ECE1: variants seen among roughly 807,000 people sequenced by gnomAD.
ECE1 encodes the protein endothelin-converting enzyme 1.
Under a neutral mutation model 98.6 loss-of-function variants are expected in ECE1, and 35 were observed. That is an observed-to-expected ratio of 0.35 (90% CI 0.27 to 0.47). The LOEUF is 0.47. Ranked by LOEUF, ECE1 falls within the 20% of genes least tolerant of loss-of-function variation. ECE1 has a pLI of 1.00. For missense variants in ECE1, 814 were observed against 1,025.3 expected, an observed-to-expected ratio of 0.79 and a Z score of 2.81; for synonymous variants, 394 against 407.1, an observed-to-expected ratio of 0.97 and a Z score of 0.39.
intron 4 of ECE1, among the ~76,000 whole-genome samples, chr1:21,263,726 AG>A (rs1408052554): frequency 6.6e-6 from 1 of 151,894 alleles, no homozygotes; most frequent in African/African-American, 2.4e-5. Flanking sequence ...GGGCCCCGCC[AG>A]GAGTTGGTGT....
chr1:21,321,772 C>T (rs971094575), intron 1 of ECE1, among the ~76,000 whole-genome samples: 6 of 152,170 alleles, frequency 3.9e-5, no homozygotes, highest in Admixed American at 2.0e-4. Context: ...CGTGCCACCA[C>T]ACCCGGCTAA....
intron 2 of ECE1, among the ~76,000 whole-genome samples, chr1:21,288,896 TC>T (rs2098263427): frequency 1.3e-5 from 2 of 149,518 alleles, no homozygotes. Flanking sequence ...CCTACAGGTC[TC>T]AGGGGTGTTC....
chr1:21,277,139 C>T (rs565924192), intron 3 of ECE1, among the ~76,000 whole-genome samples: 2 of 152,252 alleles, frequency 1.3e-5, no homozygotes, highest in Non-Finnish European at 2.9e-5. Context: ...GCTCAGGGGT[C>T]ACCTGATACT....
chr1:21,293,185 A>C (rs1558419064), upstream of ECE1: 1 of 152,130 alleles, frequency 6.6e-6, no homozygotes, highest in Non-Finnish European at 1.5e-5. Flanking sequence ...AATGAAACTG[A>C]GGCTTGGGGA....
rs2098251867 is a variant in ECE1, at chr1:21,279,496, A to G, written c.139-164T>C. On this transcript the variant is annotated intron_variant, in intron 2 of 18. Transcript: ENST00000374893. ...CACAGATTCAGCCCTAATCCAGGAA[A>G]GGAACAGCCACCCTGCTCAGCTGCT... 6.0e-6 allele frequency: 9 copies of G among 1,493,230 alleles called. 1 individual carries two copies. In the South Asian group the frequency reaches 1.2e-4, roughly 20 times the overall value. 92.5% of individuals were successfully genotyped at this position (1,493,230 alleles called of 1,614,324 possible). A position where few individuals can be genotyped will look rare whatever the true frequency, so the allele number is the denominator to read the frequency against.
upstream of ECE1, among the ~76,000 whole-genome samples, chr1:21,295,276 C>G (rs1166247523): frequency 6.6e-6 from 1 of 152,170 alleles, no homozygotes; most frequent in Non-Finnish European, 1.5e-5. Flanking sequence ...CTGGGGAGAC[C>G]CAGGCCGGAG....
At chr1:21,240,445 C>T (rs1376637545) in intron 10 of ECE1, among the ~76,000 whole-genome samples, 1 of 152,146 alleles carries the variant, frequency 6.6e-6, no homozygotes, top group African/African-American at 2.4e-5. Flanking sequence ...TGAGATCATA[C>T]CACAGCACTC....
Position 21,327,356 on chromosome 1 carries a change from G to A in ECE1, c.3+18020C>T, listed in dbSNP as rs1420665495. 6.6e-6 allele frequency among the ~76,000 whole-genome samples: 1 copy of A among 152,136 alleles called. No individual in the cohort carries two copies. The highest frequency in any genetic ancestry group is 2.4e-5 in the African/African-American group (1 of 41,428). On this transcript the variant is annotated intron_variant, in intron 1 of 18. Coordinates refer to the ECE1 transcript ENST00000415912. The surrounding 1 kb of genome is among the most constrained non-coding windows in gnomAD (Gnocchi z 4.6). ...TGTTTTCTCATTTGTCAAAGCGACG[G>A]GCTGATCCCCTGCCCCACTCCAATC...
intron 3 of ECE1, among the ~76,000 whole-genome samples, chr1:21,277,419 C>T (rs1410879872): frequency 1.3e-5 from 2 of 152,224 alleles, no homozygotes; most frequent in Non-Finnish European, 2.9e-5. Context: ...GGCCAGCTCC[C>T]GCTGCTCTGA....
intron 9 of ECE1, among the ~76,000 whole-genome samples, chr1:21,246,325 C>T (rs1406412020): frequency 1.3e-5 from 2 of 151,348 alleles, no homozygotes; most frequent in South Asian, 4.2e-4. Context: ...CATGGTGAAA[C>T]CCCATCTCTA....
chr1:21,297,896 G>C (rs1487918507), intron 1 of ECE1: 1 of 151,920 alleles, frequency 6.6e-6, no homozygotes, highest in Non-Finnish European at 1.5e-5. Flanking sequence ...GGAGTGCAGT[G>C]GTGTGATCAT....
intron 4 of ECE1, among the ~76,000 whole-genome samples, chr1:21,272,370 CA>C (rs1481932091): frequency 2.6e-5 from 4 of 152,210 alleles, no homozygotes; most frequent in Non-Finnish European, 5.9e-5. Context: ...CGGCTCACTG[CA>C]ACCTCTGCCT....
chr1:21,304,920 A>G (rs1310646700), intron 1 of ECE1, among the ~76,000 whole-genome samples: 1 of 152,222 alleles, frequency 6.6e-6, no homozygotes, highest in Non-Finnish European at 1.5e-5. Flanking sequence ...CTGGGAAAGA[A>G]GACACAACTG....
upstream of ECE1, among the ~76,000 whole-genome samples, chr1:21,291,132 G>A (rs963583351): frequency 6.6e-6 from 1 of 151,972 alleles, no homozygotes; most frequent in Non-Finnish European, 1.5e-5. Context: ...CCTCAGCCAG[G>A]TGCCCCCCTC....
chr1:21,225,585 C>A lies in ECE1; in HGVS notation c.1850-145G>T. 1.1e-6 allele frequency: 1 copy of A among 903,412 alleles called. No homozygotes were observed. The allele number at this position is 903,412 out of a possible 1,614,324, so 56.0% of individuals were successfully genotyped here. A position where few individuals can be genotyped will look rare whatever the true frequency, so the allele number is the denominator to read the frequency against. ...GGGGAGACGAGGTCCCTGTGAGTGC[C>A]GAGGGACGTGGATGTGGTGGCCAGT... is the stretch of plus-strand genomic sequence containing the variant. On this transcript the variant is annotated intron_variant, in intron 16 of 18. Coordinates refer to ENST00000374893, the MANE Select transcript of ECE1 (RefSeq NM_001397.3). The surrounding 1 kb of genome is among the most constrained non-coding windows in gnomAD (Gnocchi z 5.3).
At chr1:21,276,725 G>GC (rs2098247722) in intron 3 of ECE1, among the ~76,000 whole-genome samples, 1 of 137,432 alleles carries the variant, frequency 7.3e-6, no homozygotes, top group Non-Finnish European at 1.5e-5. Context: ...TCGCTCTGTC[G>GC]CCCAGGCTGG....
At chr1:21,308,245 T>C (rs910021221) in intron 1 of ECE1, among the ~76,000 whole-genome samples, 2 of 152,180 alleles carry the variant, frequency 1.3e-5, no homozygotes, top group Admixed American at 6.5e-5. Flanking sequence ...TTAACAAGCA[T>C]TTGTGCATGC....
chr1:21,280,746 A>T (rs898173391), intron 2 of ECE1, among the ~76,000 whole-genome samples: 1 of 152,104 alleles, frequency 6.6e-6, no homozygotes, highest in Admixed American at 6.5e-5. Context: ...GCACTCGGGG[A>T]TCTGAAGTGG....
At chr1:21,238,390 C>T in intron 10 of ECE1, 146 bp from the exon 11 acceptor site, 1 of 716,014 alleles carries the variant, frequency 1.4e-6, no homozygotes, top group Admixed American at 2.0e-5. Context: ...TTATTTTAGT[C>T]ACCGGACCAA....
Sources: allele counts gnomAD v4.1 joint callset (sites outside exome capture counted in the v4.1 genomes callset), GRCh38; gene constraint gnomAD v4.1.1; non-coding constraint Gnocchi (gnomAD v3.1); transcripts MANE v1.5; gene names NCBI Gene and HGNC (gene_info 2026-07-23, HGNC 2026-07-21).